The following STPG2 variants were observed in gnomAD, a reference collection of about 807,000 sequenced individuals.
The protein encoded by STPG2 is sperm-tail PG-rich repeat-containing protein 2.
STPG2 carries 56 observed loss-of-function variants against 54.2 expected under a neutral mutation model. The ratio of observed to expected loss-of-function variants is 1.03; its 90% CI spans 0.83 to 1.29. The LOEUF (loss-of-function observed/expected upper bound fraction) is 1.29. Among genes scored for constraint, STPG2 ranks in the 50% most tolerant of loss-of-function variants. The probability of loss-of-function intolerance (pLI) is 0.00; values close to 1 mark genes in which losing one functional copy is unlikely to be tolerated. For synonymous variants in STPG2, 200 were observed against 181.8 expected (o/e 1.10, Z -0.81); for missense variants, 596 against 544.9 (o/e 1.09, Z -0.93).
chr4:97,828,238 C>T (rs1041989362), intron 9 of STPG2, among the ~76,000 whole-genome samples: 7 of 152,174 alleles, frequency 4.6e-5, no homozygotes, highest in Non-Finnish European at 1.0e-4. Context: ...CCATGGATTG[C>T]GAGCCAAAGC....
intron 9 of STPG2, among the ~76,000 whole-genome samples, chr4:97,812,354 G>A (rs986285838): frequency 8.6e-5 from 13 of 151,970 alleles, no homozygotes; most frequent in African/African-American, 3.1e-4. Context: ...AGACAGATTA[G>A]GACTATTCTC....
intron 10 of STPG2, among the ~76,000 whole-genome samples, chr4:97,662,343 A>G (rs1453533551): frequency 1.3e-5 from 2 of 152,166 alleles, no homozygotes; most frequent in Admixed American, 6.5e-5. Context: ...ATCTCACATG[A>G]GTCAAAATGG....
intron 10 of STPG2, among the ~76,000 whole-genome samples, chr4:97,562,766 C>T (rs1432254404): frequency 1.3e-5 from 2 of 152,020 alleles, no homozygotes; most frequent in East Asian, 1.9e-4. Flanking sequence ...GTATATTGAA[C>T]CAGCCTTGCA....
chr4:97,942,706 T>C (rs1454005855), intron 8 of STPG2, among the ~76,000 whole-genome samples: 1 of 152,166 alleles, frequency 6.6e-6, no homozygotes, highest in East Asian at 1.9e-4. Context: ...TAGTTCATCA[T>C]GATCTTGTAC....
At chr4:97,992,145 T>C (rs1735041036) in intron 5 of STPG2, among the ~76,000 whole-genome samples, 1 of 152,194 alleles carries the variant, frequency 6.6e-6, no homozygotes, top group South Asian at 2.1e-4. Flanking sequence ...GCGTTTGCTA[T>C]TGGGTTCTTG....
intron 7 of STPG2, among the ~76,000 whole-genome samples, chr4:97,961,476 A>T (rs1271436666): frequency 6.6e-6 from 1 of 152,200 alleles, no homozygotes; most frequent in African/African-American, 2.4e-5. Context: ...AAGGACTAAT[A>T]TCCAGAATCT....
At chr4:97,927,034 G>T (rs1446027158) in intron 8 of STPG2, among the ~76,000 whole-genome samples, 2 of 152,052 alleles carry the variant, frequency 1.3e-5, no homozygotes, top group Non-Finnish European at 2.9e-5. Flanking sequence ...TACAGAAGTT[G>T]CCTAAACTCA....
intron 8 of STPG2, among the ~76,000 whole-genome samples, chr4:97,870,123 A>C (rs532471210): frequency 6.6e-6 from 1 of 151,736 alleles, no homozygotes; most frequent in Non-Finnish European, 1.5e-5. Context: ...TCTTAAAATC[A>C]TGTCATATCC....
chr4:97,559,179 T>G, intron 10 of STPG2, 62 bp from the exon 11 acceptor site: 1 of 1,072,332 alleles, frequency 9.3e-7, no homozygotes, highest in Non-Finnish European at 1.4e-6. Context: ...AAAAATAATA[T>G]TCATTATTTA....
At chr4:97,615,339 T>C (rs1416725454) in intron 10 of STPG2, among the ~76,000 whole-genome samples, 2 of 152,168 alleles carry the variant, frequency 1.3e-5, no homozygotes, top group East Asian at 3.9e-4. Context: ...CATGAACTTT[T>C]TGAAAACCCC....
At chr4:97,851,424 T>C (rs1254519247) in intron 8 of STPG2, among the ~76,000 whole-genome samples, 4 of 152,222 alleles carry the variant, frequency 2.6e-5, no homozygotes, top group Non-Finnish European at 5.9e-5. Context: ...GCTGACACTA[T>C]GCCTTGAAAG....
chr4:97,915,787 A>G (rs891584561), intron 8 of STPG2, among the ~76,000 whole-genome samples: 1 of 152,212 alleles, frequency 6.6e-6, no homozygotes, highest in African/African-American at 2.4e-5. Context: ...TGCTAGCTCA[A>G]GGAGTCTGAA....
chr4:98,085,446 A>G (rs1738476056), intron 5 of STPG2, among the ~76,000 whole-genome samples: 2 of 152,078 alleles, frequency 1.3e-5, no homozygotes, highest in Admixed American at 1.3e-4. Context: ...TTGGGTTGAT[A>G]CTATTACATT....
chr4:97,925,573 T>C (rs982039687), intron 8 of STPG2, among the ~76,000 whole-genome samples: 1 of 152,106 alleles, frequency 6.6e-6, no homozygotes, highest in Non-Finnish European at 1.5e-5. Flanking sequence ...TATAATAAGA[T>C]AACAACAGAC....
At chr4:98,051,616 C>T (rs984992959) in intron 5 of STPG2, among the ~76,000 whole-genome samples, 1 of 152,048 alleles carries the variant, frequency 6.6e-6, no homozygotes, top group Non-Finnish European at 1.5e-5. Flanking sequence ...TCTTCAACTT[C>T]CCAGTCTCCA....
intron 7 of STPG2, among the ~76,000 whole-genome samples, chr4:97,969,706 T>A (rs1476220391): frequency 6.6e-6 from 1 of 152,116 alleles, no homozygotes. Flanking sequence ...GCCAGTATCA[T>A]ACTGAATGGG....
chr4:97,449,355 C>A (rs1163721223), intron 4 of STPG2, among the ~76,000 whole-genome samples: 2 of 152,154 alleles, frequency 1.3e-5, no homozygotes. Context: ...TGCATATTAT[C>A]TGCCTATTTT....
chr4:97,472,767 C>G lies in STPG2; in HGVS notation c.462+239932G>C, dbSNP rs551587407. ...AACGGAAAGGCTACATGTGATTCATCCTATATGTCATTCTGGAAAAGATAA... is the reference window on the plus strand; with the variant it reads ...AACGGAAAGGCTACATGTGATTCATGCTATATGTCATTCTGGAAAAGATAA... On this transcript the variant is annotated intron_variant, in intron 4 of 4. Transcript: ENST00000522676. 1.8e-4 allele frequency among the ~76,000 whole-genome samples: 27 copies of G among 152,198 alleles called. No individual in the cohort carries two copies. In the South Asian group the frequency reaches 5.2e-3, roughly 29 times the overall value.
chr4:97,445,985 T>C (rs1034068740), intron 4 of STPG2, among the ~76,000 whole-genome samples: 1 of 152,222 alleles, frequency 6.6e-6, no homozygotes, highest in Non-Finnish European at 1.5e-5. Flanking sequence ...TCTAAGCCAC[T>C]GTTACAGTCC....
Sources: gnomAD v4.1 joint callset for allele counts (sites outside exome capture counted in the v4.1 genomes callset) on GRCh38, gnomAD v4.1.1 for gene constraint, MANE v1.5 for transcripts, NCBI Gene and HGNC (gene_info 2026-07-23, HGNC 2026-07-21) for gene names.